The following DNAH17 variants were observed in gnomAD, a reference collection of about 807,000 sequenced individuals.
DNAH17 encodes the protein axonemal beta dynein heavy chain 17.
A neutral mutation model predicts 485.6 loss-of-function variants in DNAH17; 376 were observed. The observed-to-expected ratio is 0.77, with a 90% confidence interval of 0.71 to 0.84. DNAH17 has a LOEUF of 0.84. Ranked by LOEUF, DNAH17 falls within the 40% of genes least tolerant of loss-of-function variation. The pLI is 0.00. For synonymous variants in DNAH17, 3,031 were observed against 2,405.9 expected (o/e 1.26, Z -7.60); for missense variants, 6,370 against 5,839.3 (o/e 1.09, Z -2.96).
Position 78,561,880 on chromosome 17 carries a change from T to C in DNAH17, c.1670A>G (p.Asp557Gly). 2 of 1,613,930 alleles carry C rather than the reference T, an allele frequency of 1.2e-6. No individual in the cohort carries two copies. Among genetic ancestry groups the C allele is most frequent in the Non-Finnish European group, 1.7e-6 (2 of 1,179,864 alleles). The change falls in exon 12 of 81, where the codon GAC becomes GGC. Residue 557 changes from aspartate to glycine, a missense_variant. By Grantham distance (94) the Asp-to-Gly change is moderately conservative (BLOSUM62 -1). Coordinates refer to ENST00000389840, the MANE Select transcript of DNAH17 (RefSeq NM_173628.4). The stretch of plus-strand genomic sequence containing the variant: ...GGCATCGTACAAGATCTTAGCATTG[T>C]CTAGCTCAGCGTCAAACAGCTCCAG... ...VMLELFDAEL[D>G]NAKILYDAQM...
chr17:78,537,469 G>A lies in DNAH17; in HGVS notation c.2689C>T (p.Pro897Ser), dbSNP rs1384987816. Residue 897 changes from proline to serine, a missense_variant, in exon 19 of 81, where the codon CCC (proline) becomes TCC (serine). By Grantham distance (74) the Pro-to-Ser change is moderately conservative. Transcript: ENST00000389840. ...AGCTCCATGCGGATCTCAAACAGGG[G>A]AGCGATACTCTCCTGAAAGAGGGGT... ...DNMVIDESIA[P>S]LFEIRMELDE... The A allele has an allele frequency of 4.3e-6, 7 of 1,613,302 alleles. No homozygotes were observed. The highest frequency in any genetic ancestry group is 4.5e-5 in the East Asian group (2 of 44,868).
At position 78,560,830 on chromosome 17, in the gene DNAH17, G is replaced by C; in HGVS notation, c.1941C>G (p.Gly647=). 1 of 1,551,688 alleles carries C rather than the reference G, an allele frequency of 6.4e-7. No individual in the cohort carries two copies. Among genetic ancestry groups the C allele is most frequent in the Non-Finnish European group, 8.7e-7 (1 of 1,147,102 alleles). The change falls in exon 13 of 81, where the codon GGC becomes GGG. Residue 647 remains glycine, a synonymous_variant. Coordinates refer to ENST00000389840, the MANE Select transcript of DNAH17 (RefSeq NM_173628.4). ...GGTTAAAGTGGCAGTCCTGGTCCAC[G>C]CCCGCCACCCACTGCTGGTAGATCT... ...REKIYQQWVA[G]VDQDCHFNLG...
rs1472989333 is a variant in DNAH17 at position 78,529,693 on chromosome 17, G to A, written c.3286C>T (p.Leu1096=). Residue 1096 remains leucine (L), a splice_region_variant and synonymous_variant, in exon 22 of 81, where the codon CTG becomes TTG. Coordinates refer to ENST00000389840, the MANE Select transcript of DNAH17 (RefSeq NM_173628.4). The part of the protein sequence containing the change: ...RHLSNHVTNS[L]ADLEAFMKVA... The stretch of plus-strand genomic sequence containing the variant: ...TTCATGAAGGCTTCCAGGTCAGCCA[G>A]GCTAAGGGACAAGGGGACCATTTGT... 2 of 1,613,726 alleles carry A rather than the reference G, an allele frequency of 1.2e-6. No individual in the cohort carries two copies. Among genetic ancestry groups the A allele is most frequent in the Non-Finnish European group, 1.7e-6 (2 of 1,179,794 alleles).
chr17:78,537,877 G>A (rs1389308214), intron 18 of DNAH17, among the ~76,000 whole-genome samples: 2 of 152,200 alleles, frequency 1.3e-5, no homozygotes, highest in Admixed American at 6.5e-5. Context: ...AGTGGCTCAT[G>A]CCTGTAATCC....
At chr17:78,493,585 A>G (rs1404580704) in intron 41 of DNAH17, among the ~76,000 whole-genome samples, 3 of 152,174 alleles carry the variant, frequency 2.0e-5, no homozygotes, top group Admixed American at 6.5e-5. Flanking sequence ...AGTGATCTCA[A>G]ACAATAGCAG....
intron 77 of DNAH17, chr17:78,428,172 G>A (rs1208361797): frequency 8.0e-6 from 3 of 375,534 alleles, no homozygotes; most frequent in African/African-American, 6.3e-5. Flanking sequence ...TACTGCTGTT[G>A]TGCTGGCCAG....
Position 78,495,935 on chromosome 17 carries a change from G to T in DNAH17, c.5843C>A (p.Thr1948Asn), listed in dbSNP as rs1371989787. 1 of 1,613,874 alleles carries T rather than the reference G, an allele frequency of 6.2e-7. No homozygotes were observed. The highest frequency in any genetic ancestry group is 8.5e-7 in the Non-Finnish European group (1 of 1,179,886). The change falls in exon 38 of 81, where the codon ACC becomes AAC. Residue 1948 changes from threonine to asparagine, a missense_variant. Transcript: ENST00000389840. ...GCGTCCGGCGTACCCAGGGTTCATG[G>T]TGATGAAGATACCGACGGTGGGAAT... The part of the protein sequence containing the change: ...GLIPTVGIFI[T>N]MNPGYAGRAE...
chr17:78,524,382 C>A (rs1197232503), intron 25 of DNAH17, among the ~76,000 whole-genome samples: 10 of 152,164 alleles, frequency 6.6e-5, no homozygotes, highest in Non-Finnish European at 1.3e-4. Context: ...AGGTGATCCA[C>A]CTGCCTCGGC....
At position 78,539,355 on chromosome 17, in the gene DNAH17, C is replaced by T. The variant is rs74983722; in HGVS notation, c.2676+382G>A. Among the ~76,000 whole-genome samples, 76 of 152,280 alleles carry T rather than the reference C, an allele frequency of 5.0e-4. 1 individual carries two copies. The East Asian group carries it at 0.013, about 26-fold the overall frequency. On this transcript the variant is annotated intron_variant, in intron 18 of 80. Coordinates refer to ENST00000389840, the MANE Select transcript of DNAH17 (RefSeq NM_173628.4). Reference sequence around the variant, plus strand: ...CTGACTGGTTTACCTTCTACTCAGCCGTATATAATCAAGTAGGTGAGTGGC... The same window carrying T: ...CTGACTGGTTTACCTTCTACTCAGCTGTATATAATCAAGTAGGTGAGTGGC...
At chr17:78,463,223 T>C (rs2088230656) in intron 56 of DNAH17, 146 bp from the exon 57 acceptor site, 2 of 690,558 alleles carry the variant, frequency 2.9e-6, no homozygotes, top group Non-Finnish European at 2.5e-6. Context: ...AAGGGGCTCC[T>C]GAGAGCAACA....
chr17:78,507,929 G>C (rs908541578), intron 27 of DNAH17, 124 bp from the exon 28 acceptor site: 3 of 875,818 alleles, frequency 3.4e-6, no homozygotes, highest in Non-Finnish European at 5.1e-6. Flanking sequence ...TCAAACCAAC[G>C]TATTCACAGG....
chr17:78,438,467 A>AGGAGGGAGGAGGGAGGAGGAG (rs2086941274), intron 73 of DNAH17, among the ~76,000 whole-genome samples: 1 of 61,536 alleles, frequency 1.6e-5, no homozygotes, highest in Non-Finnish European at 3.1e-5. Context: ...GAGGAGGAGG[A>AGGAGGGAGGAGGGAGGAGGAG]GATGCTTTTG....
chr17:78,483,748 T>C (rs6501220), intron 48 of DNAH17, among the ~76,000 whole-genome samples: 113,909 of 151,704 alleles, frequency 0.75, 42,905 homozygotes, highest in Admixed American at 0.82. Flanking sequence ...CCAGGCTTCA[T>C]GAACGAGCAG....
At chr17:78,544,664 T>A (rs547370831) in intron 16 of DNAH17, among the ~76,000 whole-genome samples, 2 of 152,090 alleles carry the variant, frequency 1.3e-5, no homozygotes, top group East Asian at 1.9e-4. Context: ...TAGCCGCGCA[T>A]GGTGGCGGGC....
Position 78,567,663 on chromosome 17 carries a change from G to A in DNAH17, c.1285-497C>T, listed in dbSNP as rs75582073. ...GGCTGGAATGCTTGGATGGACACAC[G>A]TGTAGAAAATTCTGCTTCCTCGCCG... is the stretch of plus-strand genomic sequence containing the variant. On this transcript the variant is annotated intron_variant, in intron 9 of 80. Transcript: ENST00000389840. Among the ~76,000 whole-genome samples the A allele has an allele frequency of 2.9e-3, 448 of 152,288 alleles. 2 individuals carry two copies. The highest frequency in any genetic ancestry group is 9.7e-3 in the African/African-American group (405 of 41,550).
rs1568122407 is a variant in DNAH17 at position 78,480,048 on chromosome 17, TTA to T, written c.7753-418_7753-417del. Among the ~76,000 whole-genome samples, 12 of 94,340 alleles carry T rather than the reference TTA, an allele frequency of 1.3e-4. 3 individuals carry two copies. Among genetic ancestry groups the T allele is most frequent in the East Asian group, 5.6e-4 (2 of 3,550 alleles). The allele number at this position is 94,340 out of a possible 152,430, so 61.9% of individuals were successfully genotyped here. On this transcript the variant is annotated intron_variant, in intron 49 of 80. Coordinates refer to ENST00000389840, the MANE Select transcript of DNAH17 (RefSeq NM_173628.4). ...TTTTTTTTTTTTTTTTTTTTTTTTT[TTA>T]AAAAAAGTATGTCCCAGGCCGGGCA...
chr17:78,456,843 G>A (rs1299008431), intron 62 of DNAH17, among the ~76,000 whole-genome samples: 2 of 152,222 alleles, frequency 1.3e-5, no homozygotes, highest in African/African-American at 4.8e-5. Flanking sequence ...CATGCAGCCT[G>A]GGGCACTCAC....
intron 71 of DNAH17, among the ~76,000 whole-genome samples, chr17:78,444,333 TCC>T (rs2087190235): frequency 6.6e-6 from 1 of 152,088 alleles, no homozygotes; most frequent in Admixed American, 6.6e-5. Context: ...GACAAGGGGT[TCC>T]CCTAATGATA....
intron 70 of DNAH17, 113 bp from the exon 71 acceptor site, chr17:78,444,910 G>A (rs2087217193): frequency 3.6e-6 from 4 of 1,118,964 alleles, no homozygotes; most frequent in Middle Eastern, 2.1e-4. Flanking sequence ...GGAAACCGGG[G>A]CTCTGGGATA....
Sources: allele counts gnomAD v4.1 joint callset (sites outside exome capture counted in the v4.1 genomes callset), GRCh38; gene constraint gnomAD v4.1.1; transcripts MANE v1.5; gene names NCBI Gene and HGNC (gene_info 2026-07-23, HGNC 2026-07-21).